The following GTSF1 variants were observed in gnomAD, a reference collection of about 807,000 sequenced individuals.
GTSF1 encodes gametocyte specific factor 1.
A neutral mutation model predicts 28.9 loss-of-function variants in GTSF1; 11 were observed. The ratio of observed to expected loss-of-function variants is 0.38; its 90% CI spans 0.24 to 0.63. The LOEUF is 0.63. GTSF1 is among the 30% of genes least tolerant of loss of function. The pLI is 0.56. For missense variants in GTSF1, 146 were observed against 201.0 expected, an observed-to-expected ratio of 0.73 and a Z score of 1.66; for synonymous variants, 69 against 65.6, an observed-to-expected ratio of 1.05 and a Z score of -0.25.
At chr12:54,459,195 T>C in intron 7 of GTSF1, 70 bp from the exon 8 acceptor site, 1 of 1,512,674 alleles carries the variant, frequency 6.6e-7, no homozygotes. Context: ...CTATTCTTAC[T>C]AAACACAAAT....
At chr12:54,469,157 C>T (rs1347034279) in intron 2 of GTSF1, among the ~76,000 whole-genome samples, 1 of 152,102 alleles carries the variant, frequency 6.6e-6, no homozygotes, top group Non-Finnish European at 1.5e-5. Flanking sequence ...TGGTTTACTG[C>T]AACCTCCACC....
At chr12:54,458,973 C>A in intron 8 of GTSF1, 116 bp downstream of exon 8, 1 of 662,754 alleles carries the variant, frequency 1.5e-6, no homozygotes. Flanking sequence ...CACATGCACA[C>A]ACAAAGCTTT....
At chr12:54,457,978 T>C (rs1472827398) in intron 8 of GTSF1, among the ~76,000 whole-genome samples, 2 of 152,226 alleles carry the variant, frequency 1.3e-5, no homozygotes, top group African/African-American at 4.8e-5. Context: ...TCAGTTTTAC[T>C]ACAAAATGAA....
At chr12:54,464,764 A>C (rs1263763297) in intron 3 of GTSF1, 2 of 181,336 alleles carry the variant, frequency 1.1e-5, no homozygotes, top group Non-Finnish European at 2.4e-5. Flanking sequence ...CAAATTTAGA[A>C]GATAGGCAGG....
At chr12:54,459,893 AT>A (rs1311152880) in intron 7 of GTSF1, among the ~76,000 whole-genome samples, 1 of 142,236 alleles carries the variant, frequency 7.0e-6, no homozygotes, top group East Asian at 2.0e-4. Flanking sequence ...CGCCCGGCTA[AT>A]TTTTTGTATT....
chr12:54,459,007 A>C, intron 8 of GTSF1, 82 bp downstream of exon 8: 1 of 935,336 alleles, frequency 1.1e-6, no homozygotes, highest in East Asian at 2.5e-5. Context: ...AATCTGAAAG[A>C]AAATTGGACC....
chr12:54,456,113 A>C lies in GTSF1; in HGVS notation c.*61T>G, dbSNP rs192978925. ...TAGATTAGGAGGAAAATGAGAACCC[A>C]CTGGTAGAAGAAGAAGCAACAGTCT... On this transcript the variant is annotated 3_prime_UTR_variant, in exon 9 of 9. Coordinates refer to ENST00000305879, the MANE Select transcript of GTSF1 (RefSeq NM_144594.3). 1 of 152,632 alleles carries C rather than the reference A, an allele frequency of 6.6e-6. No individual in the cohort carries two copies. The highest frequency in any genetic ancestry group is 1.9e-4 in the East Asian group (1 of 5,202). 9.5% of individuals were successfully genotyped at this position (152,632 alleles called of 1,614,324 possible). A position where few individuals can be genotyped will look rare whatever the true frequency, so the allele number is the denominator to read the frequency against.
At chr12:54,460,331 T>G (rs765680361) in intron 7 of GTSF1, 46 bp downstream of exon 7, 15 of 1,340,466 alleles carry the variant, frequency 1.1e-5, no homozygotes, top group Non-Finnish European at 1.6e-5. Flanking sequence ...CAACTGTATT[T>G]AGCACAATGA....
intron 8 of GTSF1, among the ~76,000 whole-genome samples, chr12:54,456,942 G>A (rs1208087602): frequency 1.3e-5 from 2 of 152,056 alleles, no homozygotes; most frequent in African/African-American, 4.8e-5. Context: ...AAAATTAGCC[G>A]GGCGTGGTGG....
intron 3 of GTSF1, 33 bp downstream of exon 3, chr12:54,465,034 A>C (rs1956487916): frequency 7.6e-7 from 1 of 1,311,980 alleles, no homozygotes; most frequent in South Asian, 1.2e-5. Flanking sequence ...AAAAGAACTC[A>C]GGAGGGTGTT....
chr12:54,458,276 G>C (rs1443892922), intron 8 of GTSF1, among the ~76,000 whole-genome samples: 6 of 152,118 alleles, frequency 3.9e-5, no homozygotes, highest in Non-Finnish European at 5.9e-5. Flanking sequence ...GAGAGATTTT[G>C]GTCTCTTCAC....
chr12:54,463,005 A>G (rs1356412874), intron 4 of GTSF1, among the ~76,000 whole-genome samples, 166 bp downstream of exon 4: 1 of 152,248 alleles, frequency 6.6e-6, no homozygotes, highest in Non-Finnish European at 1.5e-5. Flanking sequence ...ACAGTATGAC[A>G]TGTACAATCT....
At chr12:54,469,708 AG>A (rs1956570893) in intron 2 of GTSF1, among the ~76,000 whole-genome samples, 2 of 149,132 alleles carry the variant, frequency 1.3e-5, no homozygotes, top group Non-Finnish European at 1.5e-5. Context: ...AAAAAAAAAA[AG>A]ACAGGGTCTT....
chr12:54,471,991 G>C (rs1464334557), intron 1 of GTSF1: 1 of 152,294 alleles, frequency 6.6e-6, no homozygotes, highest in African/African-American at 2.4e-5. Flanking sequence ...AAGTCCAGGA[G>C]CTATGAGGTT....
At chr12:54,457,775 C>T (rs1349317230) in intron 8 of GTSF1, among the ~76,000 whole-genome samples, 1 of 150,364 alleles carries the variant, frequency 6.7e-6, no homozygotes, top group Non-Finnish European at 1.5e-5. Flanking sequence ...CTGATGTACC[C>T]CAGTGCTGGT....
chr12:54,472,328 A>C (rs942050443), intron 1 of GTSF1: 21 of 152,162 alleles, frequency 1.4e-4, no homozygotes, highest in African/African-American at 4.8e-4. Context: ...TCTCATCCCA[A>C]TCTTCAGTGC....
At chr12:54,463,080 G>A in intron 4 of GTSF1, 91 bp downstream of exon 4, 1 of 1,381,720 alleles carries the variant, frequency 7.2e-7, no homozygotes, top group Non-Finnish European at 9.9e-7. Context: ...CTAAAACACT[G>A]AAAGCCAAAA....
At chr12:54,473,303 A>T (rs759536079) in intron 1 of GTSF1, among the ~76,000 whole-genome samples, 1 of 152,164 alleles carries the variant, frequency 6.6e-6, no homozygotes, top group Non-Finnish European at 1.5e-5. Context: ...AGACTTAATC[A>T]ATGAGACTAA....
intron 7 of GTSF1, among the ~76,000 whole-genome samples, chr12:54,460,006 G>C (rs903559635): frequency 8.2e-6 from 1 of 122,098 alleles, no homozygotes; most frequent in Non-Finnish European, 1.8e-5. Flanking sequence ...GATTACAGGC[G>C]TGAGCCACCG....
Sources: gnomAD v4.1 joint callset for allele counts (sites outside exome capture counted in the v4.1 genomes callset) on GRCh38, gnomAD v4.1.1 for gene constraint, MANE v1.5 for transcripts, NCBI Gene and HGNC (gene_info 2026-07-23, HGNC 2026-07-21) for gene names.